Variants in TBC1D1 observed in about 807,000 individuals in gnomAD.
The protein encoded by TBC1D1 is TBC1 (tre-2/USP6, BUB2, cdc16) domain family, member 1.
TBC1D1 carries 89 observed loss-of-function variants against 125.6 expected under a neutral mutation model. The ratio of observed to expected loss-of-function variants is 0.71; its 90% confidence interval spans 0.60 to 0.85. TBC1D1 has a LOEUF of 0.85. Among genes scored for constraint, TBC1D1 ranks in the 40% least tolerant of loss-of-function variants. The pLI is 0.00. For synonymous variants in TBC1D1, 565 were observed against 564.1 expected, an observed-to-expected ratio of 1.00 and a Z score of -0.02; for missense variants, 1,377 against 1,469.2, an observed-to-expected ratio of 0.94 and a Z score of 1.03.
intron 19 of TBC1D1, among the ~76,000 whole-genome samples, chr4:38,135,920 G>A (rs13102196): frequency 0.01 from 998 of 95,512 alleles, 9 homozygotes; most frequent in East Asian, 0.07. Context: ...ACGTGTGTGT[G>A]TATATGTGTG....
At chr4:38,002,069 T>C (rs1425731211) in intron 2 of TBC1D1, among the ~76,000 whole-genome samples, 1 of 152,174 alleles carries the variant, frequency 6.6e-6, no homozygotes, top group Non-Finnish European at 1.5e-5. Context: ...GTCCCTGGGA[T>C]GTGCTTGAGA....
At chr4:38,064,167 A>G (rs1753268495) in intron 12 of TBC1D1, among the ~76,000 whole-genome samples, 1 of 152,322 alleles carries the variant, frequency 6.6e-6, no homozygotes. Context: ...CCAGTAATCC[A>G]TTCTTTTTTA....
At chr4:38,129,802 G>T (rs1203842234) in intron 18 of TBC1D1, among the ~76,000 whole-genome samples, 1 of 152,140 alleles carries the variant, frequency 6.6e-6, no homozygotes, top group Non-Finnish European at 1.5e-5. Flanking sequence ...TTAAACTTAT[G>T]TAACATATAA....
chr4:37,959,165 G>A (rs1273982663), intron 2 of TBC1D1, among the ~76,000 whole-genome samples: 4 of 152,096 alleles, frequency 2.6e-5, no homozygotes, highest in South Asian at 2.1e-4. Flanking sequence ...ACAATGTGAG[G>A]GTTAGGGGCG....
At chr4:38,112,806 T>C (rs886174157) in intron 15 of TBC1D1, among the ~76,000 whole-genome samples, 6 of 152,198 alleles carry the variant, frequency 3.9e-5, no homozygotes, top group African/African-American at 1.4e-4. Context: ...CCAGTGCCTG[T>C]CGAGCGGGTC....
At chr4:38,133,327 A>G in intron 19 of TBC1D1, 70 bp downstream of exon 21, 1 of 1,457,520 alleles carries the variant, frequency 6.9e-7, no homozygotes, top group Admixed American at 1.9e-5. Flanking sequence ...ACCAAAGGCA[A>G]CAGCAGGCTG....
intron 2 of TBC1D1, among the ~76,000 whole-genome samples, chr4:37,933,056 C>A (rs9685691): frequency 0.61 from 88,754 of 146,524 alleles, 26,948 homozygotes; most frequent in East Asian, 0.86. Flanking sequence ...CATTTAAAAA[C>A]AAAAAAACAA....
rs377732925 is a variant in TBC1D1, at chr4:38,014,693, A to G, written c.602A>G (p.Asn201Ser). ...ATCGACGAGTGCATCGAGAAGTTCA[A>G]TCACGTCAGCGGCAGCCGGGGGTCC... is the stretch of plus-strand genomic sequence containing the variant. Residue 201 changes from asparagine to serine, a missense_variant, in exon 3 of 20, where the codon AAT (asparagine) becomes AGT (serine). Physicochemically the swap from Asn to Ser is conservative, Grantham distance 46 (BLOSUM62 1). Coordinates refer to ENST00000261439, the MANE Select transcript of TBC1D1 (RefSeq NM_015173.4). The surrounding 1 kb of genome is among the most constrained non-coding windows in gnomAD (Gnocchi z 5.1). The G allele has an allele frequency of 6.1e-5, 98 of 1,613,024 alleles. No individual in the cohort carries two copies. Among genetic ancestry groups the G allele is most frequent in the Middle Eastern group, 4.9e-4 (3 of 6,062 alleles).
chr4:37,994,421 C>G (rs1737308538), intron 2 of TBC1D1, among the ~76,000 whole-genome samples: 1 of 152,082 alleles, frequency 6.6e-6, no homozygotes, highest in African/African-American at 2.4e-5. Flanking sequence ...TCCTAAATAG[C>G]TGAGACTATA....
At chr4:38,059,449 A>G (rs1294026611) in intron 12 of TBC1D1, among the ~76,000 whole-genome samples, 1 of 152,264 alleles carries the variant, frequency 6.6e-6, no homozygotes, top group Non-Finnish European at 1.5e-5. Context: ...TGTAATAAAA[A>G]TAGATCGTGA....
At chr4:38,000,581 T>C (rs565578473) in intron 2 of TBC1D1, among the ~76,000 whole-genome samples, 1 of 152,328 alleles carries the variant, frequency 6.6e-6, no homozygotes, top group East Asian at 1.9e-4. Flanking sequence ...CCTGTAGCAG[T>C]TCCTGTGACT....
intron 2 of TBC1D1, among the ~76,000 whole-genome samples, chr4:37,926,441 T>A (rs1560486577): frequency 6.6e-6 from 1 of 152,124 alleles, no homozygotes; most frequent in Non-Finnish European, 1.5e-5. Context: ...AGCAGAAGGG[T>A]GGTGAGTTCA....
At chr4:38,077,263 G>A (rs1182603372) in intron 12 of TBC1D1, among the ~76,000 whole-genome samples, 1 of 152,248 alleles carries the variant, frequency 6.6e-6, no homozygotes, top group Non-Finnish European at 1.5e-5. Context: ...TGGATCAAAT[G>A]CTAGACAAAG....
chr4:37,945,830 C>T (rs1255978225), intron 2 of TBC1D1, among the ~76,000 whole-genome samples: 1 of 152,146 alleles, frequency 6.6e-6, no homozygotes, highest in Non-Finnish European at 1.5e-5. Flanking sequence ...TTGATAGAAT[C>T]TAATGAACAA....
intron 2 of TBC1D1, among the ~76,000 whole-genome samples, chr4:37,970,886 G>A (rs1291258741): frequency 6.6e-6 from 1 of 152,192 alleles, no homozygotes; most frequent in East Asian, 1.9e-4. Flanking sequence ...TTAGGGTGGG[G>A]AGGAGCAAGC....
At chr4:38,016,792 G>A (rs1227822633) in intron 3 of TBC1D1, among the ~76,000 whole-genome samples, 1 of 152,186 alleles carries the variant, frequency 6.6e-6, no homozygotes, top group Non-Finnish European at 1.5e-5. Flanking sequence ...TTTTCATCAG[G>A]CACAACTTTA....
At chr4:38,064,048 T>C (rs1205532062) in intron 12 of TBC1D1, among the ~76,000 whole-genome samples, 1 of 152,238 alleles carries the variant, frequency 6.6e-6, no homozygotes, top group East Asian at 1.9e-4. Flanking sequence ...CTCTATAGAT[T>C]TGCCTATTCT....
chr4:38,064,508 A>T (rs78783265), intron 12 of TBC1D1, among the ~76,000 whole-genome samples: 3 of 152,004 alleles, frequency 2.0e-5, no homozygotes, highest in African/African-American at 4.8e-5. Flanking sequence ...CACTGCCCTC[A>T]TGAGTGTGTG....
chr4:37,915,238 C>T (rs1285300810), intron 2 of TBC1D1, among the ~76,000 whole-genome samples: 1 of 152,100 alleles, frequency 6.6e-6, no homozygotes, highest in Non-Finnish European at 1.5e-5. Flanking sequence ...TCTAGAAGCT[C>T]CTGTATTAGT....
Sources: gnomAD v4.1 joint callset for allele counts (sites outside exome capture counted in the v4.1 genomes callset) on GRCh38, gnomAD v4.1.1 for gene constraint, Gnocchi (gnomAD v3.1) non-coding constraint, MANE v1.5 for transcripts, NCBI Gene and HGNC (gene_info 2026-07-23, HGNC 2026-07-21) for gene names.